The following AOPEP variants were observed in gnomAD, a reference collection of about 807,000 sequenced individuals.
AOPEP encodes the protein aminopeptidase O (putative), also known as aminopeptidase O.
Under a neutral mutation model 98.1 loss-of-function variants are expected in AOPEP, and 77 were observed. That is an observed-to-expected ratio of 0.78 (90% CI 0.65 to 0.95). AOPEP has a LOEUF of 0.95. Ranked by LOEUF, AOPEP falls within the 40% of genes least tolerant of loss-of-function variation. AOPEP has a pLI of 0.00. For missense variants in AOPEP, 1,024 were observed against 1,024.7 expected (o/e 1.00, Z 0.01); for synonymous variants, 346 against 365.3 (o/e 0.95, Z 0.60).
At chr9:94,990,985 C>T (rs771367747) in intron 11 of AOPEP, among the ~76,000 whole-genome samples, 8 of 152,214 alleles carry the variant, frequency 5.3e-5, no homozygotes, top group African/African-American at 1.7e-4. Context: ...AGGTAAAGCC[C>T]GGCAAAGCAG....
chr9:95,042,919 G>A (rs112234645), intron 13 of AOPEP, among the ~76,000 whole-genome samples: 21 of 152,268 alleles, frequency 1.4e-4, no homozygotes, highest in African/African-American at 5.1e-4. Context: ...AATGTAAAGG[G>A]TAGTGAATTG....
chr9:95,037,270 C>T (rs1472281587), intron 13 of AOPEP, among the ~76,000 whole-genome samples: 1 of 152,016 alleles, frequency 6.6e-6, no homozygotes, highest in Non-Finnish European at 1.5e-5. Context: ...AATCCCTAAC[C>T]ATTTTATCTT....
intron 5 of AOPEP, among the ~76,000 whole-genome samples, chr9:94,893,816 A>G (rs759557454): frequency 2.6e-5 from 4 of 152,218 alleles, no homozygotes; most frequent in Non-Finnish European, 5.9e-5. Flanking sequence ...TCTTCTTAGA[A>G]AGAAAAATGT....
At chr9:95,028,177 T>G (rs2063996873) in intron 13 of AOPEP, among the ~76,000 whole-genome samples, 1 of 152,256 alleles carries the variant, frequency 6.6e-6, no homozygotes, top group Non-Finnish European at 1.5e-5. Flanking sequence ...GATGATTTTC[T>G]TAGGGTCTGA....
intron 1 of AOPEP, among the ~76,000 whole-genome samples, chr9:94,730,371 A>G (rs1035230658): frequency 7.1e-6 from 1 of 140,418 alleles, no homozygotes; most frequent in Non-Finnish European, 1.5e-5. Flanking sequence ...ATCAGAGATC[A>G]TTAATGCATT....
intron 13 of AOPEP, among the ~76,000 whole-genome samples, chr9:95,040,673 T>C (rs1457421519): frequency 2.6e-5 from 4 of 152,214 alleles, no homozygotes; most frequent in African/African-American, 9.6e-5. Flanking sequence ...CTGATGGGCA[T>C]AGGCATTCCC....
At chr9:95,096,744 C>G in the AOPEP span, among the ~76,000 whole-genome samples, 43,246 of 152,188 alleles carry the variant, frequency 0.28, 6,442 homozygotes, top group Non-Finnish European at 0.32. Flanking sequence ...CCCTTTCAGC[C>G]CCACCCATGT....
intron 14 of AOPEP, among the ~76,000 whole-genome samples, chr9:95,077,056 G>T (rs1225028955): frequency 3.3e-5 from 5 of 152,178 alleles, no homozygotes; most frequent in African/African-American, 1.2e-4. Flanking sequence ...GCCTGGGGAG[G>T]AGAGGGGGAG....
chr9:95,070,566 G>C (rs954016252), intron 14 of AOPEP, among the ~76,000 whole-genome samples: 4 of 152,386 alleles, frequency 2.6e-5, no homozygotes, highest in Non-Finnish European at 4.4e-5. Context: ...AGCATTCCAA[G>C]TTTTCAAGTG....
chr9:94,782,163 C>T (rs1843427725), intron 3 of AOPEP, among the ~76,000 whole-genome samples: 1 of 151,490 alleles, frequency 6.6e-6, no homozygotes, highest in South Asian at 2.1e-4. Flanking sequence ...GCACTCCAGC[C>T]TGGGCGACAG....
In AOPEP at chr9:95,082,657, G is replaced by C. The variant is rs199890580; in HGVS notation, c.2402G>C (p.Arg801Pro). ...QQQLARRCFE[R>P]TKEQMDRSSA... Reference sequence around the variant, plus strand: ...CAGCTCGCCCGTAGGTGCTTCGAGCGGACCAAGGAGCAGATGGATAGGTCC... The same window carrying C: ...CAGCTCGCCCGTAGGTGCTTCGAGCCGACCAAGGAGCAGATGGATAGGTCC... Residue 801 changes from arginine to proline, a missense_variant, in exon 16 of 17, where the codon CGG becomes CCG. By Grantham distance (103) the Arg-to-Pro change is moderately radical. Coordinates refer to ENST00000375315, the MANE Select transcript of AOPEP (RefSeq NM_001193329.3). 1.2e-6 allele frequency: 2 copies of C among 1,614,218 alleles called. No homozygotes were observed. The highest frequency in any genetic ancestry group is 1.7e-6 in the Non-Finnish European group (2 of 1,180,036).
the AOPEP span, among the ~76,000 whole-genome samples, chr9:95,126,107 AGTTCT>A: frequency 5.9e-5 from 9 of 152,326 alleles, no homozygotes; most frequent in Non-Finnish European, 2.9e-5. Context: ...CTTTCAGAAG[AGTTCT>A]GTTAAGAATG....
At chr9:94,855,266 C>T (rs879579944) in intron 5 of AOPEP, among the ~76,000 whole-genome samples, 20 of 151,616 alleles carry the variant, frequency 1.3e-4, no homozygotes, top group Admixed American at 4.6e-4. Flanking sequence ...TTAGTAGAAA[C>T]GGGGTTTCGC....
intron 5 of AOPEP, among the ~76,000 whole-genome samples, chr9:94,858,998 A>G (rs2044592731): frequency 7.1e-6 from 1 of 140,402 alleles, no homozygotes; most frequent in Admixed American, 7.7e-5. Context: ...ACTGTACTCC[A>G]GCCTGGGCGA....
At chr9:95,009,592 G>T (rs961315423) in intron 13 of AOPEP, among the ~76,000 whole-genome samples, 5 of 152,122 alleles carry the variant, frequency 3.3e-5, no homozygotes, top group African/African-American at 7.2e-5. Context: ...CCATGCTAAG[G>T]TTGGCTATTA....
the AOPEP span, among the ~76,000 whole-genome samples, chr9:95,092,681 G>A: frequency 2.6e-5 from 4 of 152,242 alleles, no homozygotes; most frequent in South Asian, 2.1e-4. Context: ...GGGTGTGGGT[G>A]GGGTGCTGAA....
chr9:94,874,474 T>C (rs1179365874), intron 5 of AOPEP, among the ~76,000 whole-genome samples: 1 of 152,242 alleles, frequency 6.6e-6, no homozygotes, highest in African/African-American at 2.4e-5. Flanking sequence ...TTTTGAAATG[T>C]TGACTCATCA....
At chr9:94,750,686 A>G (rs1324189129) in intron 1 of AOPEP, among the ~76,000 whole-genome samples, 2 of 151,824 alleles carry the variant, frequency 1.3e-5, no homozygotes, top group African/African-American at 4.8e-5. Context: ...AACTTATGGC[A>G]GTTATTTATA....
At chr9:95,065,649 A>C (rs1564594667) in intron 14 of AOPEP, among the ~76,000 whole-genome samples, 1 of 152,216 alleles carries the variant, frequency 6.6e-6, no homozygotes, top group African/African-American at 2.4e-5. Context: ...ACCATTGTGG[A>C]GTGTCAGAGT....
Sources: allele counts gnomAD v4.1 joint callset (sites outside exome capture counted in the v4.1 genomes callset), GRCh38; gene constraint gnomAD v4.1.1; transcripts MANE v1.5; gene names NCBI Gene and HGNC (gene_info 2026-07-23, HGNC 2026-07-21).